MYO5A: variants seen among roughly 807,000 people sequenced by gnomAD.
MYO5A encodes myosin VA.
A neutral mutation model predicts 249.7 loss-of-function variants in MYO5A; 98 were observed. The ratio of observed to expected loss-of-function variants is 0.39; its 90% confidence interval spans 0.33 to 0.46. The LOEUF (loss-of-function observed/expected upper bound fraction) is 0.46. Ranked by LOEUF, MYO5A falls within the 20% of genes least tolerant of loss-of-function variation. The pLI is 0.98. For missense variants in MYO5A, 1,696 were observed against 2,308.8 expected (o/e 0.73, Z 5.44); for synonymous variants, 778 against 810.6 (o/e 0.96, Z 0.68).
In MYO5A at chr15:52,364,604, G is replaced by A. The variant is rs766723050; in HGVS notation, c.3259C>T (p.Arg1087Cys). 8 of 1,613,424 alleles carry A rather than the reference G, an allele frequency of 5.0e-6. No homozygotes were observed. In the African/African-American group the frequency reaches 5.4e-5, roughly 11 times the overall value. The change falls in exon 24 of 42, where the codon CGC becomes TGC. Residue 1087 changes from arginine (R) to cysteine (C), a missense_variant. Around this residue, in one of 5 missense-constraint regions of MYO5A, gnomAD observed 412 missense variants for 453.3 expected, o/e 0.91. Coordinates refer to ENST00000399233, the MANE Select transcript of MYO5A (RefSeq NM_001382347.1). The part of the protein sequence containing the change: ...RYQNLLNEFS[R>C]LEERYDDLKE... ...AGGTCATCATATCTTTCTTCCAGGCGACTGAACTCATTCAGAAGGTTCTGA... is the reference window on the plus strand; with the variant it reads ...AGGTCATCATATCTTTCTTCCAGGCAACTGAACTCATTCAGAAGGTTCTGA...
At chr15:52,390,123 T>C (rs546865811) in intron 12 of MYO5A, among the ~76,000 whole-genome samples, 4 of 152,256 alleles carry the variant, frequency 2.6e-5, no homozygotes, top group Non-Finnish European at 5.9e-5. Flanking sequence ...AATAGAAAGA[T>C]GGTTACCAGA....
At chr15:52,391,424 A>C (rs940698399) in intron 12 of MYO5A, among the ~76,000 whole-genome samples, 1 of 152,226 alleles carries the variant, frequency 6.6e-6, no homozygotes, top group African/African-American at 2.4e-5. Flanking sequence ...AAAGCGAAAG[A>C]ATAGGTTTGC....
At chr15:52,471,938 ATCC>A (rs1344102582) in intron 1 of MYO5A, among the ~76,000 whole-genome samples, 1 of 151,882 alleles carries the variant, frequency 6.6e-6, no homozygotes, top group African/African-American at 2.4e-5. Context: ...GGCTCAAGGA[ATCC>A]TCCTGCCTCG....
At chr15:52,324,256 G>A (rs1007826921) in intron 36 of MYO5A, among the ~76,000 whole-genome samples, 2 of 152,096 alleles carry the variant, frequency 1.3e-5, no homozygotes, top group Non-Finnish European at 2.9e-5. Flanking sequence ...TCCTGAGCTG[G>A]GCAGTACAGT....
intron 9 of MYO5A, among the ~76,000 whole-genome samples, chr15:52,401,709 A>T (rs943108947): frequency 4.6e-5 from 7 of 152,138 alleles, no homozygotes; most frequent in Non-Finnish European, 7.4e-5. Flanking sequence ...AGTTCTAAAA[A>T]TTTTTTAGTA....
At chr15:52,392,519 T>G (rs2042286685) in intron 11 of MYO5A, among the ~76,000 whole-genome samples, 1 of 152,244 alleles carries the variant, frequency 6.6e-6, no homozygotes, top group Non-Finnish European at 1.5e-5. Flanking sequence ...GGGACTGTGG[T>G]GCTGAAGTTC....
chr15:52,456,117 G>T (rs745520209), intron 1 of MYO5A, among the ~76,000 whole-genome samples: 25 of 151,946 alleles, frequency 1.6e-4, no homozygotes, highest in African/African-American at 6.0e-4. Context: ...TAGTAAAATT[G>T]CAGGATACAA....
At chr15:52,397,647 C>T (rs1595595356) in intron 9 of MYO5A, among the ~76,000 whole-genome samples, 181 bp from the exon 10 acceptor site, 1 of 152,198 alleles carries the variant, frequency 6.6e-6, no homozygotes, top group Non-Finnish European at 1.5e-5. Context: ...GGCATCCAGG[C>T]AGCATTTTGC....
chr15:52,392,448 C>G (rs898278165), intron 11 of MYO5A, among the ~76,000 whole-genome samples: 4 of 152,204 alleles, frequency 2.6e-5, no homozygotes, highest in African/African-American at 9.7e-5. Flanking sequence ...TATGTTGATG[C>G]CCTCCAGGCT....
intron 1 of MYO5A, among the ~76,000 whole-genome samples, chr15:52,472,545 T>C (rs1373012449): frequency 1.3e-5 from 2 of 151,674 alleles, no homozygotes; most frequent in African/African-American, 4.8e-5. Flanking sequence ...CCCTCCCCCA[T>C]CCCCCCACCG....
At chr15:52,450,559 C>G (rs983799570) in intron 1 of MYO5A, among the ~76,000 whole-genome samples, 6 of 151,162 alleles carry the variant, frequency 4.0e-5, no homozygotes, top group African/African-American at 1.2e-4. Context: ...GTCCCAGCTA[C>G]TCGGTAGGCT....
intron 4 of MYO5A, among the ~76,000 whole-genome samples, chr15:52,424,727 T>C (rs1447592516): frequency 6.6e-6 from 1 of 152,200 alleles, no homozygotes; most frequent in Non-Finnish European, 1.5e-5. Context: ...ATATTATATT[T>C]ATAATGTGTT....
chr15:52,330,444 T>G lies in MYO5A; in HGVS notation c.4464A>C (p.Pro1488=). 1 of 1,614,152 alleles carries G rather than the reference T, an allele frequency of 6.2e-7. No homozygotes were observed. ...CCTTTTCTTTCCTGGGAATGTTGAC[T>G]GGTCGGATGGGTTCATCAATGATCT... is the stretch of plus-strand genomic sequence containing the variant. ...PGQIIDEPIR[P]VNIPRKEKDF... is the part of the protein sequence containing the mutation. The change falls in exon 35 of 42, where the codon CCA becomes CCC. Residue 1488 remains proline, a synonymous_variant. Transcript: ENST00000399233.
chr15:52,464,568 AC>A (rs1323765636), intron 1 of MYO5A, among the ~76,000 whole-genome samples: 1 of 152,228 alleles, frequency 6.6e-6, no homozygotes, highest in African/African-American at 2.4e-5. Flanking sequence ...GAGGGCAGGG[AC>A]AACGAACACC....
At chr15:52,465,080 A>G (rs1471491812) in intron 1 of MYO5A, among the ~76,000 whole-genome samples, 2 of 152,210 alleles carry the variant, frequency 1.3e-5, no homozygotes, top group African/African-American at 4.8e-5. Context: ...ACTAGAAGGG[A>G]GATTCTTGAC....
chr15:52,479,559 CTA>C (rs972371512), intron 1 of MYO5A, among the ~76,000 whole-genome samples: 9 of 151,820 alleles, frequency 5.9e-5, no homozygotes, highest in African/African-American at 2.2e-4. Flanking sequence ...TGTGGTATAT[CTA>C]TATAATGGAA....
chr15:52,382,008 T>C (rs2041765470), intron 16 of MYO5A, among the ~76,000 whole-genome samples: 1 of 152,158 alleles, frequency 6.6e-6, no homozygotes, highest in African/African-American at 2.4e-5. Flanking sequence ...GTTCAAGTGA[T>C]TCTCCTGCCT....
At chr15:52,528,693 C>G in intron 1 of MYO5A, 87 bp downstream of exon 1, 1 of 1,417,946 alleles carries the variant, frequency 7.1e-7, no homozygotes, top group Non-Finnish European at 9.3e-7. Flanking sequence ...CGCCTGGGCC[C>G]GGCGCTCCCG....
intron 1 of MYO5A, among the ~76,000 whole-genome samples, chr15:52,518,463 T>C (rs2077542000): frequency 6.6e-6 from 1 of 152,174 alleles, no homozygotes. Context: ...GTAATCTAGG[T>C]TGTGGACCAA....
Sources: allele counts gnomAD v4.1 joint callset (sites outside exome capture counted in the v4.1 genomes callset), GRCh38; gene constraint gnomAD v4.1.1; regional missense constraint gnomAD v4.1.1; transcripts MANE v1.5; gene names NCBI Gene and HGNC (gene_info 2026-07-23, HGNC 2026-07-21).